The following SLC1A1 variants were observed in gnomAD, a reference collection of about 807,000 sequenced individuals.
The protein encoded by SLC1A1 is solute carrier family 1 member 1.
In SLC1A1, 43 loss-of-function variants were observed where a neutral mutation model predicts 53.3. The observed-to-expected ratio is 0.81, with a 90% CI of 0.63 to 1.04. The LOEUF (loss-of-function observed/expected upper bound fraction) is 1.04. SLC1A1 is among the 50% of genes least tolerant of loss of function. SLC1A1 has a pLI of 0.00. For synonymous variants in SLC1A1, 307 were observed against 243.2 expected (o/e 1.26, Z -2.44); for missense variants, 748 against 664.9 (o/e 1.12, Z -1.37).
At chr9:4,505,434 C>T (rs1177310966) in intron 1 of SLC1A1, among the ~76,000 whole-genome samples, 1 of 152,114 alleles carries the variant, frequency 6.6e-6, no homozygotes, top group East Asian at 1.9e-4. Context: ...CCTGACCACA[C>T]ATAAGTTACC....
rs556846378 is a variant in SLC1A1 at position 4,566,463 on chromosome 9, C to T, written c.483+374C>T. The stretch of plus-strand genomic sequence containing the variant: ...AACTTTCTGCAGAAAAAAGGTAGCT[C>T]TCTATCTCCTCTTTGCTTTTCCTCT... On this transcript the variant is annotated intron_variant, in intron 5 of 11. Transcript: ENST00000262352. 3.3e-5 allele frequency among the ~76,000 whole-genome samples: 5 copies of T among 152,326 alleles called. No individual in the cohort carries two copies. The East Asian group carries it at 9.6e-4, about 29-fold the overall frequency.
At chr9:4,520,784 C>A (rs938671345) in intron 1 of SLC1A1, among the ~76,000 whole-genome samples, 19 of 152,214 alleles carry the variant, frequency 1.2e-4, no homozygotes, top group African/African-American at 4.6e-4. Flanking sequence ...TATATCTAGG[C>A]ATGCAATTGC....
chr9:4,520,140 TTAA>T (rs1487302083), intron 1 of SLC1A1, among the ~76,000 whole-genome samples: 1 of 152,236 alleles, frequency 6.6e-6, no homozygotes, highest in Non-Finnish European at 1.5e-5. Context: ...TTTTGAGCTG[TTAA>T]TAAACATGTC....
chr9:4,580,601 A>ATGTGTGGGTG (rs1820980490), intron 10 of SLC1A1, among the ~76,000 whole-genome samples: 1 of 69,700 alleles, frequency 1.4e-5, no homozygotes, highest in African/African-American at 5.1e-5. Context: ...AAAAATATAT[A>ATGTGTGGGTG]TGTGTGTGTG....
At chr9:4,516,159 A>C (rs189422101) in intron 1 of SLC1A1, among the ~76,000 whole-genome samples, 1 of 152,328 alleles carries the variant, frequency 6.6e-6, no homozygotes, top group Admixed American at 6.5e-5. Flanking sequence ...CCAGGTTCTA[A>C]AACAGATCAT....
intron 1 of SLC1A1, among the ~76,000 whole-genome samples, chr9:4,542,518 A>G (rs1408494877): frequency 1.3e-5 from 2 of 152,226 alleles, no homozygotes; most frequent in African/African-American, 4.8e-5. Flanking sequence ...CTTGCTATTC[A>G]ACAGAGTCCT....
intron 2 of SLC1A1, chr9:4,553,802 T>C (rs913153022): frequency 2.6e-5 from 4 of 152,240 alleles, no homozygotes; most frequent in Non-Finnish European, 5.9e-5. Context: ...AGAGTGGTGA[T>C]ATTACCTATT....
At chr9:4,499,979 C>A (rs1820576492) in intron 1 of SLC1A1, among the ~76,000 whole-genome samples, 1 of 152,276 alleles carries the variant, frequency 6.6e-6, no homozygotes, top group African/African-American at 2.4e-5. Flanking sequence ...TGTTAGAGAG[C>A]ATGTATGCAT....
intron 10 of SLC1A1, among the ~76,000 whole-genome samples, chr9:4,578,476 G>A (rs1485240559): frequency 6.6e-6 from 1 of 152,136 alleles, no homozygotes; most frequent in South Asian, 2.1e-4. Context: ...AAGGACTGAG[G>A]CTTGGAAAAA....
At chr9:4,497,091 G>C (rs183827258) in intron 1 of SLC1A1, among the ~76,000 whole-genome samples, 2 of 152,058 alleles carry the variant, frequency 1.3e-5, no homozygotes, top group Non-Finnish European at 2.9e-5. Context: ...TCCTGTGGCT[G>C]CCCTAACAAA....
chr9:4,569,736 T>C (rs1362337936), intron 6 of SLC1A1, among the ~76,000 whole-genome samples: 1 of 152,200 alleles, frequency 6.6e-6, no homozygotes, highest in Non-Finnish European at 1.5e-5. Flanking sequence ...TCTCTCTAGT[T>C]TTCACAGCTT....
intron 1 of SLC1A1, among the ~76,000 whole-genome samples, chr9:4,512,324 G>A (rs1390776349): frequency 4.6e-5 from 7 of 152,004 alleles, no homozygotes; most frequent in African/African-American, 1.7e-4. Flanking sequence ...ACCATCTTGG[G>A]CAACGTGGCA....
At chr9:4,522,009 C>A (rs901820818) in intron 1 of SLC1A1, among the ~76,000 whole-genome samples, 2 of 149,242 alleles carry the variant, frequency 1.3e-5, no homozygotes, top group Non-Finnish European at 3.0e-5. Context: ...CTTTGTTATT[C>A]CAAGTATACT....
intron 2 of SLC1A1, among the ~76,000 whole-genome samples, chr9:4,558,211 C>T (rs953080814): frequency 6.6e-6 from 1 of 152,114 alleles, no homozygotes; most frequent in Non-Finnish European, 1.5e-5. Context: ...TGTTCTCTCC[C>T]TCTATGGTGG....
At chr9:4,552,231 C>A (rs1465299102) in intron 2 of SLC1A1, among the ~76,000 whole-genome samples, 2 of 152,118 alleles carry the variant, frequency 1.3e-5, no homozygotes, top group African/African-American at 2.4e-5. Flanking sequence ...CCAGGCTCTG[C>A]TAGACACACA....
intron 1 of SLC1A1, among the ~76,000 whole-genome samples, chr9:4,498,601 CTTTATG>C (rs1411719854): frequency 6.6e-6 from 1 of 151,692 alleles, no homozygotes; most frequent in Non-Finnish European, 1.5e-5. Flanking sequence ...AGGAATATAG[CTTTATG>C]TTTATGTATT....
chr9:4,521,018 G>A (rs765842149), intron 1 of SLC1A1, among the ~76,000 whole-genome samples: 2 of 152,078 alleles, frequency 1.3e-5, no homozygotes, highest in Non-Finnish European at 2.9e-5. Flanking sequence ...TTTCCCTAAT[G>A]ACTAATAATA....
intron 1 of SLC1A1, among the ~76,000 whole-genome samples, chr9:4,522,733 G>T (rs1564006193): frequency 6.6e-6 from 1 of 152,080 alleles, no homozygotes; most frequent in South Asian, 2.1e-4. Context: ...GTGTGAAGGA[G>T]GAACTGTCAA....
intron 1 of SLC1A1, among the ~76,000 whole-genome samples, chr9:4,495,617 A>G (rs1247869538): frequency 6.6e-6 from 1 of 152,066 alleles, no homozygotes; most frequent in Non-Finnish European, 1.5e-5. Context: ...GTATCTGGGG[A>G]GCATCCTAGT....
Sources: gnomAD v4.1 joint callset for allele counts (sites outside exome capture counted in the v4.1 genomes callset) on GRCh38, gnomAD v4.1.1 for gene constraint, MANE v1.5 for transcripts, NCBI Gene and HGNC (gene_info 2026-07-23, HGNC 2026-07-21) for gene names.